Variants in DAZAP1 observed in about 807,000 individuals in gnomAD.
DAZAP1 encodes DAZ-associated protein 1.
In DAZAP1, 6 loss-of-function variants were observed where a neutral mutation model predicts 60.1. That is an observed-to-expected ratio of 0.10 (90% confidence interval 0.05 to 0.20). DAZAP1 has a LOEUF of 0.20. Among genes scored for constraint, DAZAP1 ranks in the 10% least tolerant of loss-of-function variants. The probability of loss-of-function intolerance (pLI) is 1.00; values close to 1 mark genes in which losing one functional copy is unlikely to be tolerated. For synonymous variants in DAZAP1, 235 were observed against 215.9 expected, an observed-to-expected ratio of 1.09 and a Z score of -0.78; for missense variants, 366 against 560.4, an observed-to-expected ratio of 0.65 and a Z score of 3.50.
Position 1,426,994 on chromosome 19 carries a change from C to G in DAZAP1, c.546+1034C>G, listed in dbSNP as rs2083319762. The stretch of plus-strand genomic sequence containing the variant: ...CTACCCCAGCCAGAGGTCTTGATAG[C>G]AGAACTTTTTTAAAAACAGTAGCAT... On this transcript the variant is annotated intron_variant, in intron 7 of 11. Transcript: ENST00000233078. This position sits in a 1 kb window ranked among gnomAD's most constrained non-coding sequence, Gnocchi z 5.4. 6.6e-6 allele frequency: 1 copy of G among 152,224 alleles called. No homozygotes were observed. Among genetic ancestry groups the G allele is most frequent in the Non-Finnish European group, 1.5e-5 (1 of 68,044 alleles). 9.4% of individuals were successfully genotyped at this position (152,224 alleles called of 1,614,324 possible).
At position 1,432,860 on chromosome 19, in the gene DAZAP1, C is replaced by G; in HGVS notation, c.1048+170C>G. The G allele has an allele frequency of 1.4e-6, 1 of 704,456 alleles. No individual in the cohort carries two copies. The highest frequency in any genetic ancestry group is 2.3e-6 in the Non-Finnish European group (1 of 432,480). The allele number at this position is 704,456 out of a possible 1,614,324, so 43.6% of individuals were successfully genotyped here. A position where few individuals can be genotyped will look rare whatever the true frequency, so the allele number is the denominator to read the frequency against. On this transcript the variant is annotated intron_variant, in intron 11 of 11. Coordinates refer to ENST00000233078, the MANE Select transcript of DAZAP1 (RefSeq NM_018959.4). This position sits in a 1 kb window ranked among gnomAD's most constrained non-coding sequence, Gnocchi z 4.9. ...TTGTTGGAGAGATCTCGTGGCAACT[C>G]GGGTCCAGCAGAAGGGAGCGTGGGA...
chr19:1,408,001 C>T (rs888887410), intron 1 of DAZAP1, among the ~76,000 whole-genome samples, 199 bp downstream of exon 1: 35 of 151,812 alleles, frequency 2.3e-4, no homozygotes, highest in Non-Finnish European at 3.7e-4. Flanking sequence ...GTCCTGGCGC[C>T]CCCGCCGCCG....
In DAZAP1 at chr19:1,428,490, G is replaced by C. The variant is rs117343078; in HGVS notation, c.547-352G>C. On this transcript the variant is annotated intron_variant, in intron 7 of 11. Transcript: ENST00000233078. The surrounding 1 kb of genome is among the most constrained non-coding windows in gnomAD (Gnocchi z 4.0). ...GATCCTGGTCCCTTTTTGTCCCCAT[G>C]TTTTCAAGAGGAAGGAGGACGCTGC... 3.3e-3 allele frequency: 693 copies of C among 211,918 alleles called. 4 individuals carry two copies. Among genetic ancestry groups the C allele is most frequent in the Non-Finnish European group, 4.7e-3 (494 of 105,272 alleles). The allele number at this position is 211,918 out of a possible 1,614,324, so 13.1% of individuals were successfully genotyped here. A position where few individuals can be genotyped will look rare whatever the true frequency, so the allele number is the denominator to read the frequency against.
chr19:1,425,869 G>T lies in DAZAP1; in HGVS notation c.464-9G>T, dbSNP rs200309834. On this transcript the variant is annotated splice_polypyrimidine_tract_variant and intron_variant, in intron 6 of 11. Transcript: ENST00000233078. The surrounding 1 kb of genome is among the most constrained non-coding windows in gnomAD (Gnocchi z 5.4). ...CTGCTACCTTGATTCACTCTTCGTC[G>T]TTGGCTAGGTTTTGGATTTATTACT... 1 of 1,598,348 alleles carries T rather than the reference G, an allele frequency of 6.3e-7. No homozygotes were observed. The highest frequency in any genetic ancestry group is 8.6e-7 in the Non-Finnish European group (1 of 1,165,634).
chr19:1,433,340 G>C lies in DAZAP1; in HGVS notation c.1048+650G>C, dbSNP rs948065068. The stretch of plus-strand genomic sequence containing the variant: ...GCTCAGGACCAACGCGGTGGCCTCA[G>C]TGGGCAGGGCTCCAACTACGGTCAG... On this transcript the variant is annotated intron_variant, in intron 11 of 11. Transcript: ENST00000233078. This position sits in a 1 kb window ranked among gnomAD's most constrained non-coding sequence, Gnocchi z 6.1. 2 of 256,200 alleles carry C rather than the reference G, an allele frequency of 7.8e-6. No individual in the cohort carries two copies. The highest frequency in any genetic ancestry group is 1.5e-5 in the Non-Finnish European group (2 of 129,450). The allele number at this position is 256,200 out of a possible 1,614,324, so 15.9% of individuals were successfully genotyped here.
intron 1 of DAZAP1, among the ~76,000 whole-genome samples, chr19:1,410,520 G>A (rs2082798081): frequency 6.6e-6 from 1 of 152,228 alleles, no homozygotes; most frequent in Admixed American, 6.5e-5. Context: ...AGTCTCCAGT[G>A]TGCCCTCCCT....
rs1045117383 is a variant in DAZAP1, at chr19:1,423,981, G to A, written c.463+1585G>A. Among the ~76,000 whole-genome samples the A allele has an allele frequency of 5.3e-5, 8 of 152,316 alleles. No homozygotes were observed. Among genetic ancestry groups the A allele is most frequent in the South Asian group, 4.1e-4 (2 of 4,828 alleles). On this transcript the variant is annotated intron_variant, in intron 6 of 11. Coordinates refer to ENST00000233078, the MANE Select transcript of DAZAP1 (RefSeq NM_018959.4). This position sits in a 1 kb window ranked among gnomAD's most constrained non-coding sequence, Gnocchi z 6.8. ...TTGGGTGTCAGGCGAGTGGAGGGCCGGAGAGACGCTGCGGCGCTGCTTAGC... is the reference window on the plus strand; with the variant it reads ...TTGGGTGTCAGGCGAGTGGAGGGCCAGAGAGACGCTGCGGCGCTGCTTAGC...
At chr19:1,421,102 T>A (rs767907386) in intron 4 of DAZAP1, 46 bp from the exon 5 acceptor site, 1 of 1,584,690 alleles carries the variant, frequency 6.3e-7, no homozygotes, top group South Asian at 1.1e-5. Flanking sequence ...GCGGGAGGGT[T>A]TGGAGGGTTC....
intron 6 of DAZAP1, among the ~76,000 whole-genome samples, chr19:1,424,497 C>T (rs551175864): frequency 1.3e-5 from 2 of 151,780 alleles, no homozygotes; most frequent in East Asian, 3.9e-4. Context: ...CTTTCTGCCC[C>T]GTTTCCATCT....
At chr19:1,414,816 A>AT (rs1326981647) in intron 1 of DAZAP1, among the ~76,000 whole-genome samples, 3 of 151,512 alleles carry the variant, frequency 2.0e-5, no homozygotes, top group African/African-American at 7.3e-5. Context: ...ATTTAAGAGT[A>AT]TTTTTTATTT....
chr19:1,409,188 C>G (rs1348175789), intron 1 of DAZAP1, among the ~76,000 whole-genome samples: 1 of 152,240 alleles, frequency 6.6e-6, no homozygotes, highest in South Asian at 2.1e-4. Flanking sequence ...GTCCGTGTGC[C>G]TGTGTGAGGG....
Position 1,418,097 on chromosome 19 carries a change from G to C in DAZAP1, c.71-107G>C. 4.2e-6 allele frequency: 5 copies of C among 1,194,782 alleles called. No individual in the cohort carries two copies. The South Asian group carries it at 5.4e-5, about 13-fold the overall frequency. 74.0% of individuals were successfully genotyped at this position (1,194,782 alleles called of 1,614,324 possible). A position where few individuals can be genotyped will look rare whatever the true frequency, so the allele number is the denominator to read the frequency against. On this transcript the variant is annotated intron_variant, in intron 2 of 11. Coordinates refer to ENST00000233078, the MANE Select transcript of DAZAP1 (RefSeq NM_018959.4). The surrounding 1 kb of genome is among the most constrained non-coding windows in gnomAD (Gnocchi z 5.7). ...CCCACCCCCAGTGCAGCATCGCTCG[G>C]TGCGTGGCTGGTGGACTGGAGGAGT...
At chr19:1,419,625 C>T (rs1311424687) in intron 4 of DAZAP1, among the ~76,000 whole-genome samples, 1 of 152,208 alleles carries the variant, frequency 6.6e-6, no homozygotes, top group African/African-American at 2.4e-5. Context: ...TTTTTTCAGA[C>T]TGGAATCCAA....
At chr19:1,417,986 A>G (rs78368740) in intron 2 of DAZAP1, among the ~76,000 whole-genome samples, 6 of 152,220 alleles carry the variant, frequency 3.9e-5, no homozygotes, top group African/African-American at 1.4e-4. Context: ...ACCGCTGGCC[A>G]CTGCTGTGCT....
Position 1,432,314 on chromosome 19 carries a change from AGT to A in DAZAP1, c.872-193_872-192del, listed in dbSNP as rs2083471919. The A allele has an allele frequency of 3.2e-6, 2 of 624,582 alleles. No homozygotes were observed. Among genetic ancestry groups the A allele is most frequent in the Admixed American group, 5.5e-5 (2 of 36,268 alleles). 38.7% of individuals were successfully genotyped at this position (624,582 alleles called of 1,614,324 possible). ...CTCAGCATCCCGCCACGCTCCCAGG[AGT>A]GTGTGTTTCCTGGGGGGAGCGGCCC... On this transcript the variant is annotated intron_variant, in intron 10 of 11. Coordinates refer to ENST00000233078, the MANE Select transcript of DAZAP1 (RefSeq NM_018959.4). This position sits in a 1 kb window ranked among gnomAD's most constrained non-coding sequence, Gnocchi z 4.9.
intron 6 of DAZAP1, among the ~76,000 whole-genome samples, chr19:1,424,328 TTCCCCC>T (rs2083247685): frequency 2.1e-5 from 2 of 97,230 alleles, no homozygotes; most frequent in African/African-American, 8.1e-5. Flanking sequence ...CCTCCTCCTC[TTCCCCC>T]TCCCCCTCCT....
At chr19:1,408,946 C>G (rs2082745958) in intron 1 of DAZAP1, among the ~76,000 whole-genome samples, 1 of 152,228 alleles carries the variant, frequency 6.6e-6, no homozygotes. Context: ...GCCCTGTGTT[C>G]TCAGCGCTGG....
rs1448808794 is a variant in DAZAP1 at position 1,430,242 on chromosome 19, G to A, written c.751G>A (p.Ala251Thr). The change falls in exon 10 of 12, where the codon GCA becomes ACA. Residue 251 changes from alanine to threonine, a missense_variant. Transcript: ENST00000233078. ...QAIGGYGPPPAGRGAPPPPPP... is the reference protein window; with the variant it reads ...QAIGGYGPPPTGRGAPPPPPP... ...TTCAGGTGGCTATGGACCGCCCCCT[G>A]CAGGAAGAGGAGCCCCCCCGCCACC... 3.2e-6 allele frequency: 5 copies of A among 1,548,978 alleles called. No homozygotes were observed. The South Asian group carries it at 4.8e-5, about 15-fold the overall frequency.
intron 1 of DAZAP1, among the ~76,000 whole-genome samples, chr19:1,410,513 C>T (rs1194689601): frequency 1.3e-5 from 2 of 152,228 alleles, no homozygotes; most frequent in African/African-American, 4.8e-5. Flanking sequence ...AGGCCCGAGT[C>T]TCCAGTGTGC....
Sources: allele counts gnomAD v4.1 joint callset (sites outside exome capture counted in the v4.1 genomes callset), GRCh38; gene constraint gnomAD v4.1.1; non-coding constraint Gnocchi (gnomAD v3.1); transcripts MANE v1.5; gene names NCBI Gene and HGNC (gene_info 2026-07-23, HGNC 2026-07-21).